Variants in TXNRD2 observed in about 807,000 individuals in gnomAD.
TXNRD2 encodes thioredoxin reductase 2, mitochondrial.
In TXNRD2, 67 loss-of-function variants were observed where a neutral mutation model predicts 70.8. That is an observed-to-expected ratio of 0.95 (90% CI 0.78 to 1.16). The LOEUF (loss-of-function observed/expected upper bound fraction) is 1.16, where lower values mean the gene tolerates loss of function less well. TXNRD2 is among the 50% of genes most tolerant of loss of function. The pLI is 0.00. For synonymous variants in TXNRD2, 301 were observed against 295.8 expected (o/e 1.02, Z -0.18); for missense variants, 644 against 719.9 (o/e 0.89, Z 1.21).
chr22:19,932,203 T>C (rs1941391888), intron 1 of TXNRD2, among the ~76,000 whole-genome samples: 1 of 149,246 alleles, frequency 6.7e-6, no homozygotes, highest in African/African-American at 2.5e-5. Context: ...AAGCAGCCCC[T>C]GTCCCTCACA....
At chr22:19,901,807 G>A (rs917703478) in intron 8 of TXNRD2, among the ~76,000 whole-genome samples, 1 of 152,184 alleles carries the variant, frequency 6.6e-6, no homozygotes, top group Non-Finnish European at 1.5e-5. Context: ...AGCCATGACT[G>A]GCCACAGGAA....
At chr22:19,911,580 GC>G in intron 7 of TXNRD2, 133 bp from the exon 8 acceptor site, 1 of 738,580 alleles carries the variant, frequency 1.4e-6, no homozygotes, top group Non-Finnish European at 2.4e-6. Flanking sequence ...CTTCCCTGCT[GC>G]CAGTCCTTGT....
rs1938599726 is a variant in TXNRD2 at position 19,878,252 on chromosome 22, C to A, written c.1348-65G>T. ...CTGGGTTGCGTCCACCCTGCATCCACCCTGCACCCTGCCTGGGAGGCATGG... is the reference window on the plus strand; with the variant it reads ...CTGGGTTGCGTCCACCCTGCATCCAACCTGCACCCTGCCTGGGAGGCATGG... On this transcript the variant is annotated intron_variant, in intron 15 of 17. Coordinates refer to ENST00000400521, the MANE Select transcript of TXNRD2 (RefSeq NM_006440.5). 5.0e-6 allele frequency: 8 copies of A among 1,595,870 alleles called. No individual in the cohort carries two copies. The East Asian group carries it at 1.6e-4, about 31-fold the overall frequency.
chr22:19,912,243 C>T (rs73880004), intron 7 of TXNRD2, among the ~76,000 whole-genome samples: 5,218 of 152,036 alleles, frequency 0.034, 127 homozygotes, highest in South Asian at 0.087. Context: ...ATGCTTCCAA[C>T]TGGCAAAAAA....
intron 8 of TXNRD2, among the ~76,000 whole-genome samples, chr22:19,903,679 G>C (rs984983854): frequency 6.6e-6 from 1 of 152,180 alleles, no homozygotes; most frequent in Non-Finnish European, 1.5e-5. Flanking sequence ...TCTGGGCCTC[G>C]GGCTCCTCTT....
chr22:19,931,441 T>C (rs77652819), intron 1 of TXNRD2, among the ~76,000 whole-genome samples: 7 of 152,314 alleles, frequency 4.6e-5, no homozygotes, highest in Non-Finnish European at 7.4e-5. Context: ...GATCTCACTC[T>C]GTCACCCAGA....
At position 19,877,073 on chromosome 22, in the gene TXNRD2, GCACC is replaced by G; in HGVS notation, c.*28_*31del. ...GGCCTCCGAGGAGCTGGCGGCGGGC[GCACC>G]GTGTGCCCTGGCCTGCAGGGATGGC... On this transcript the variant is annotated 3_prime_UTR_variant, in exon 17 of 18. Transcript: ENST00000400521. The G allele has an allele frequency of 6.4e-7, 1 of 1,574,304 alleles. No individual in the cohort carries two copies. The highest frequency in any genetic ancestry group is 8.7e-7 in the Non-Finnish European group (1 of 1,150,746).
intron 7 of TXNRD2, among the ~76,000 whole-genome samples, chr22:19,914,655 G>A (rs1211474195): frequency 6.6e-6 from 1 of 152,044 alleles, no homozygotes; most frequent in Non-Finnish European, 1.5e-5. Flanking sequence ...GGAGGCGCTG[G>A]GGAGTAGGGT....
At chr22:19,897,991 G>T in intron 10 of TXNRD2, 48 bp downstream of exon 10, 1 of 1,484,014 alleles carries the variant, frequency 6.7e-7, no homozygotes, top group Non-Finnish European at 9.1e-7. Flanking sequence ...GGCTGTGGGA[G>T]GAAGGCCTCA....
At chr22:19,931,315 T>C (rs918742267) in intron 1 of TXNRD2, among the ~76,000 whole-genome samples, 2 of 152,212 alleles carry the variant, frequency 1.3e-5, no homozygotes, top group Admixed American at 6.5e-5. Flanking sequence ...TGTGATCATC[T>C]TTGCAAATCA....
chr22:19,917,375 G>A (rs117014524), intron 5 of TXNRD2, among the ~76,000 whole-genome samples: 2,260 of 152,280 alleles, frequency 0.015, 28 homozygotes, highest in Non-Finnish European at 0.024. Flanking sequence ...AGGTCCAGGT[G>A]GAGGGCAAGC....
intron 2 of TXNRD2, among the ~76,000 whole-genome samples, chr22:19,921,644 G>A (rs1433262753): frequency 1.3e-5 from 2 of 152,168 alleles, no homozygotes; most frequent in Non-Finnish European, 2.9e-5. Context: ...CTGCAGGCTG[G>A]GGAAGATGGG....
chr22:19,901,505 A>T (rs979543777), intron 8 of TXNRD2, among the ~76,000 whole-genome samples: 2 of 152,204 alleles, frequency 1.3e-5, no homozygotes, highest in Non-Finnish European at 2.9e-5. Context: ...TCTTGTTGTC[A>T]TGAGCAAGGA....
intron 1 of TXNRD2, among the ~76,000 whole-genome samples, chr22:19,938,638 G>T (rs903126250): frequency 6.6e-6 from 1 of 152,144 alleles, no homozygotes; most frequent in African/African-American, 2.4e-5. Context: ...ATGGTCAAAA[G>T]GGAACAATTC....
chr22:19,894,672 C>G (rs1939414204), intron 11 of TXNRD2: 1 of 183,824 alleles, frequency 5.4e-6, no homozygotes, highest in Non-Finnish European at 1.1e-5. Context: ...CCTGAAGCAG[C>G]AAAACATTTA....
intron 11 of TXNRD2, among the ~76,000 whole-genome samples, chr22:19,893,231 T>C (rs568850623): frequency 2.0e-5 from 3 of 152,276 alleles, no homozygotes; most frequent in Admixed American, 1.3e-4. Context: ...GCAGGTGATC[T>C]GAGAGGGACC....
chr22:19,890,612 C>A (rs1397796811), intron 11 of TXNRD2, among the ~76,000 whole-genome samples: 1 of 152,186 alleles, frequency 6.6e-6, no homozygotes, highest in Non-Finnish European at 1.5e-5. Flanking sequence ...GGCCCCTAAG[C>A]CCCAGCTGCA....
chr22:19,915,703 G>A (rs1365546792), intron 6 of TXNRD2, 62 bp downstream of exon 6: 23 of 1,493,660 alleles, frequency 1.5e-5, no homozygotes, highest in Non-Finnish European at 2.1e-5. Context: ...CACAGCTGCA[G>A]TTGGTGCCCA....
chr22:19,934,391 A>AAAAAC (rs1555915961), intron 1 of TXNRD2, among the ~76,000 whole-genome samples: 3 of 150,992 alleles, frequency 2.0e-5, no homozygotes, highest in Non-Finnish European at 3.0e-5. Flanking sequence ...AGAAAAAAAA[A>AAAAAC]AAAAAAAAAA....
Sources: allele counts gnomAD v4.1 joint callset (sites outside exome capture counted in the v4.1 genomes callset), GRCh38; gene constraint gnomAD v4.1.1; transcripts MANE v1.5; gene names NCBI Gene and HGNC (gene_info 2026-07-23, HGNC 2026-07-21).